The following PDZD2 variants were observed in gnomAD, a reference collection of about 807,000 sequenced individuals.
PDZD2 encodes PDZ domain-containing protein 2.
In PDZD2, 90 loss-of-function variants were observed where a neutral mutation model predicts 220.7. The observed-to-expected ratio is 0.41, with a 90% CI of 0.34 to 0.49. The LOEUF (loss-of-function observed/expected upper bound fraction) is 0.49. Ranked by LOEUF, PDZD2 falls within the 20% of genes least tolerant of loss-of-function variation. The pLI is 0.28. For synonymous variants in PDZD2, 1,375 were observed against 1,450.5 expected (o/e 0.95, Z 1.18); for missense variants, 3,174 against 3,608.5 (o/e 0.88, Z 3.08).
At chr5:31,794,210 C>T (rs112221277) in intron 1 of PDZD2, among the ~76,000 whole-genome samples, 4,714 of 152,192 alleles carry the variant, frequency 0.031, 99 homozygotes, top group Non-Finnish European at 0.047. Context: ...CATCACAGTA[C>T]TGTCACCATC....
chr5:32,070,947 G>T (rs763277092), intron 15 of PDZD2, among the ~76,000 whole-genome samples: 3 of 138,818 alleles, frequency 2.2e-5, no homozygotes, highest in Non-Finnish European at 3.1e-5. Context: ...ACTCCAGCCT[G>T]GGCAACAAGA....
At chr5:31,993,359 G>A (rs774609280) in intron 3 of PDZD2, among the ~76,000 whole-genome samples, 25 of 152,170 alleles carry the variant, frequency 1.6e-4, no homozygotes, top group South Asian at 2.1e-4. Context: ...CTGGGATAGC[G>A]GAGCCCCACC....
intron 2 of PDZD2, among the ~76,000 whole-genome samples, chr5:31,838,530 C>T (rs1053072013): frequency 1.3e-5 from 2 of 152,186 alleles, no homozygotes; most frequent in African/African-American, 4.8e-5. Flanking sequence ...CACCCAAATT[C>T]AAACAGGTAA....
At chr5:31,686,998 TA>T (rs1746900220) in intron 1 of PDZD2, among the ~76,000 whole-genome samples, 1 of 152,114 alleles carries the variant, frequency 6.6e-6, no homozygotes, top group South Asian at 2.1e-4. Flanking sequence ...GCTGTGAGCC[TA>T]AAGAGGACCC....
rs1224862513 is a variant in PDZD2 at position 32,074,196 on chromosome 5, C to T, written c.3090C>T (p.Ile1030=). Reference sequence around the variant, plus strand: ...GGAAAACACTGGTGAGCAAGGCCATCTCGGCACCTCTTCTTGGTAGCTCAG... The same window carrying T: ...GGAAAACACTGGTGAGCAAGGCCATTTCGGCACCTCTTCTTGGTAGCTCAG... ...RPRKTLVSKA[I]SAPLLGSSVD... The change falls in exon 18 of 25, where the codon ATC becomes ATT. Residue 1030 remains isoleucine (I), a synonymous_variant. Transcript: ENST00000438447. The T allele has an allele frequency of 2.5e-6, 4 of 1,614,204 alleles. No individual in the cohort carries two copies. Among genetic ancestry groups the T allele is most frequent in the South Asian group, 2.2e-5 (2 of 91,082 alleles).
intron 1 of PDZD2, among the ~76,000 whole-genome samples, chr5:31,797,682 G>C (rs979707861): frequency 6.6e-6 from 1 of 152,138 alleles, no homozygotes; most frequent in Non-Finnish European, 1.5e-5. Context: ...TATTTGCTAA[G>C]CTTTTGATTT....
rs755177769 is a variant in PDZD2 at position 32,104,716 on chromosome 5, TAAAAAAAAAA to T, written c.8354-3232_8354-3223del. Among the ~76,000 whole-genome samples the T allele has an allele frequency of 8.6e-4, 26 of 30,100 alleles. No individual in the cohort carries two copies. In the East Asian group the frequency reaches 0.021, roughly 24 times the overall value. 19.7% of individuals were successfully genotyped at this position (30,100 alleles called of 152,430 possible). On this transcript the variant is annotated intron_variant, in intron 24 of 24. Coordinates refer to ENST00000438447, the MANE Select transcript of PDZD2 (RefSeq NM_178140.4). Reference sequence around the variant, plus strand: ...GCCTGGGGTCAGAGAAGGCTCCATCTAAAAAAAAAAAAAAAAAAAAAAAAAAAAAACATAT... The same window carrying T: ...GCCTGGGGTCAGAGAAGGCTCCATCTAAAAAAAAAAAAAAAAAAAACATAT...
chr5:31,958,394 C>T (rs1395797699), intron 2 of PDZD2, among the ~76,000 whole-genome samples: 2 of 151,908 alleles, frequency 1.3e-5, no homozygotes, highest in East Asian at 1.9e-4. Flanking sequence ...GCTGGGATTA[C>T]AGGTGCCTGC....
intron 1 of PDZD2, among the ~76,000 whole-genome samples, chr5:31,758,790 A>G (rs1319758438): frequency 6.6e-6 from 1 of 152,086 alleles, no homozygotes; most frequent in African/African-American, 2.4e-5. Flanking sequence ...AGGTGGGTAG[A>G]TGTGTCCATT....
chr5:31,936,791 G>A (rs1197186430), intron 2 of PDZD2, among the ~76,000 whole-genome samples: 1 of 152,224 alleles, frequency 6.6e-6, no homozygotes, highest in Non-Finnish European at 1.5e-5. Flanking sequence ...AAGAAAGGAG[G>A]TGGATGTATA....
chr5:31,966,126 T>C (rs1748726776), intron 2 of PDZD2, among the ~76,000 whole-genome samples: 1 of 152,218 alleles, frequency 6.6e-6, no homozygotes, highest in South Asian at 2.1e-4. Context: ...CCAGCTCTAC[T>C]GTTTTCAGCT....
intron 2 of PDZD2, among the ~76,000 whole-genome samples, chr5:31,895,964 A>AC (rs919575450): frequency 5.9e-5 from 9 of 151,668 alleles, no homozygotes; most frequent in Middle Eastern, 3.4e-3. Context: ...TCTCACTGTA[A>AC]CCCCCCCAGC....
At chr5:31,903,047 C>T (rs538333089) in intron 2 of PDZD2, among the ~76,000 whole-genome samples, 123 of 151,866 alleles carry the variant, frequency 8.1e-4, no homozygotes, top group African/African-American at 2.9e-3. Context: ...GTAAAAATTA[C>T]ATTTTGGGAG....
At chr5:31,805,610 C>G (rs1046288602) in intron 2 of PDZD2, among the ~76,000 whole-genome samples, 1 of 152,186 alleles carries the variant, frequency 6.6e-6, no homozygotes, top group Non-Finnish European at 1.5e-5. Context: ...ATGAAGGACT[C>G]TCTTGCAATC....
chr5:31,725,491 G>C (rs1749070005), intron 1 of PDZD2: 5 of 1,242,108 alleles, frequency 4.0e-6, no homozygotes, highest in Admixed American at 5.2e-5. Context: ...ATGAGTAAAT[G>C]AATGATCCAT....
intron 13 of PDZD2, among the ~76,000 whole-genome samples, chr5:32,059,808 T>C (rs896749424): frequency 6.6e-6 from 1 of 152,240 alleles, no homozygotes; most frequent in Non-Finnish European, 1.5e-5. Flanking sequence ...TCTCTCAAAC[T>C]TTTCCTGTCA....
chr5:31,669,657 G>A (rs1435644819), intron 1 of PDZD2, among the ~76,000 whole-genome samples: 1 of 152,190 alleles, frequency 6.6e-6, no homozygotes, highest in Non-Finnish European at 1.5e-5. Flanking sequence ...CACAGTAACA[G>A]AGGTGGGATC....
chr5:31,663,415 G>C (rs573116641), intron 1 of PDZD2, among the ~76,000 whole-genome samples: 1 of 152,192 alleles, frequency 6.6e-6, no homozygotes, highest in East Asian at 1.9e-4. Context: ...TTGGCATTCA[G>C]TGTTTAAAAG....
intron 6 of PDZD2, among the ~76,000 whole-genome samples, chr5:32,034,042 C>T (rs1755332148): frequency 6.6e-6 from 1 of 152,200 alleles, no homozygotes. Flanking sequence ...CTTTCCTTCT[C>T]AGGTGCTCAG....
Sources: gnomAD v4.1 joint callset for allele counts (sites outside exome capture counted in the v4.1 genomes callset) on GRCh38, gnomAD v4.1.1 for gene constraint, MANE v1.5 for transcripts, NCBI Gene and HGNC (gene_info 2026-07-23, HGNC 2026-07-21) for gene names.